The following RNF216 variants were observed in gnomAD, a reference collection of about 807,000 sequenced individuals.
RNF216 encodes the protein E3 ubiquitin-protein ligase RNF216.
A neutral mutation model predicts 110.8 loss-of-function variants in RNF216; 72 were observed. The observed-to-expected ratio is 0.65, with a 90% confidence interval of 0.54 to 0.79. The LOEUF is 0.79. Among genes scored for constraint, RNF216 ranks in the 30% least tolerant of loss-of-function variants. The pLI is 0.00. For missense variants in RNF216, 1,342 were observed against 1,141.2 expected, an observed-to-expected ratio of 1.18 and a Z score of -2.54; for synonymous variants, 495 against 407.5, an observed-to-expected ratio of 1.21 and a Z score of -2.59.
chr7:5,624,724 G>C lies in RNF216; in HGVS notation c.2383-599C>G, dbSNP rs2128555490. ...CCCAAACCCCATGCTTGGTAGGCCT[G>C]AAATAACAAACACAATTCACACTTG... On this transcript the variant is annotated intron_variant, in intron 15 of 16. Coordinates refer to ENST00000389902, the MANE Select transcript of RNF216 (RefSeq NM_207111.4). The surrounding 1 kb of genome is among the most constrained non-coding windows in gnomAD (Gnocchi z 4.4). 6.6e-6 allele frequency among the ~76,000 whole-genome samples: 1 copy of C among 152,344 alleles called. No individual in the cohort carries two copies. The highest frequency in any genetic ancestry group is 2.1e-4 in the South Asian group (1 of 4,826).
chr7:5,710,476 C>A, intron 13 of RNF216, among the ~76,000 whole-genome samples: 1 of 152,142 alleles, frequency 6.6e-6, no homozygotes, highest in Non-Finnish European at 1.5e-5. Flanking sequence ...TCTTTGAAAC[C>A]TTACCAGGAA....
chr7:5,627,327 G>A (rs568101686), intron 15 of RNF216, among the ~76,000 whole-genome samples: 2 of 152,332 alleles, frequency 1.3e-5, no homozygotes, highest in South Asian at 2.1e-4. Flanking sequence ...CGTGCTGGAC[G>A]CTGCAGACAC....
intron 15 of RNF216, among the ~76,000 whole-genome samples, chr7:5,638,836 T>C (rs1053369680): frequency 6.6e-6 from 1 of 152,108 alleles, no homozygotes; most frequent in African/African-American, 2.4e-5. Context: ...GGTCTCACTA[T>C]GTTGCCCAGG....
intron 16 of RNF216, 116 bp from the exon 17 acceptor site, chr7:5,623,295 G>T: frequency 1.1e-6 from 1 of 874,794 alleles, no homozygotes; most frequent in Non-Finnish European, 1.7e-6. Context: ...GCTGATCAAA[G>T]CACAAAACGT....
chr7:5,695,205 G>A (rs535108231), intron 13 of RNF216, among the ~76,000 whole-genome samples: 24 of 152,216 alleles, frequency 1.6e-4, no homozygotes, highest in African/African-American at 5.8e-4. Flanking sequence ...TCCTGGGTCC[G>A]GCTTATAAAT....
chr7:5,699,267 A>G (rs1349064547), intron 13 of RNF216, among the ~76,000 whole-genome samples: 1 of 152,204 alleles, frequency 6.6e-6, no homozygotes, highest in African/African-American at 2.4e-5. Flanking sequence ...TGTATCTGCA[A>G]AAGATAAAGA....
At chr7:5,770,625 C>A (rs570501061) in intron 1 of RNF216, among the ~76,000 whole-genome samples, 2 of 151,676 alleles carry the variant, frequency 1.3e-5, no homozygotes, top group Admixed American at 6.6e-5. Context: ...TAGATATATA[C>A]TAGATGACTT....
chr7:5,665,946 C>A (rs967063751), intron 13 of RNF216, among the ~76,000 whole-genome samples: 3 of 152,000 alleles, frequency 2.0e-5, no homozygotes, highest in African/African-American at 7.3e-5. Context: ...CAGGCGGATC[C>A]CGAGGTCAGG....
chr7:5,673,884 A>G (rs852409), intron 13 of RNF216, among the ~76,000 whole-genome samples: 25,134 of 140,060 alleles, frequency 0.18, 4,072 homozygotes, highest in African/African-American at 0.44. Flanking sequence ...TTTTTGAGAC[A>G]GAGTCTTGCT....
intron 1 of RNF216, among the ~76,000 whole-genome samples, chr7:5,769,205 C>T (rs1428891573): frequency 2.0e-5 from 3 of 151,362 alleles, no homozygotes; most frequent in Admixed American, 6.6e-5. Context: ...GCAGCCTCTG[C>T]CTCCTGTGTT....
intron 5 of RNF216, among the ~76,000 whole-genome samples, chr7:5,733,401 G>T (rs571328099): frequency 2.0e-5 from 3 of 152,256 alleles, no homozygotes; most frequent in South Asian, 4.1e-4. Flanking sequence ...GTAAGAGAAG[G>T]TATCAATTTG....
intron 13 of RNF216, among the ~76,000 whole-genome samples, chr7:5,664,999 C>T (rs1043478082): frequency 1.3e-5 from 2 of 152,026 alleles, no homozygotes; most frequent in East Asian, 1.9e-4. Flanking sequence ...GGTTTCACCA[C>T]GTTGGCCAGG....
intron 11 of RNF216, among the ~76,000 whole-genome samples, 188 bp downstream of exon 11, chr7:5,714,865 G>C (rs186299931): frequency 4.1e-4 from 62 of 152,274 alleles, no homozygotes; most frequent in African/African-American, 1.3e-3. Context: ...ATTCTACTGT[G>C]CCCTGAAAAG....
intron 9 of RNF216, among the ~76,000 whole-genome samples, chr7:5,719,677 A>G (rs1793292395): frequency 6.6e-6 from 1 of 152,236 alleles, no homozygotes; most frequent in African/African-American, 2.4e-5. Flanking sequence ...TAACAGATGG[A>G]TCAAAACAAT....
At chr7:5,715,960 C>G (rs564490628) in intron 10 of RNF216, among the ~76,000 whole-genome samples, 2 of 152,102 alleles carry the variant, frequency 1.3e-5, no homozygotes, top group Admixed American at 1.3e-4. Context: ...CCAGGCTGGT[C>G]TCAAACCCCT....
rs75044963 is a variant in RNF216, at chr7:5,763,622, G to A, written c.-69-2484C>T. ...GTCTCTCTCTGTCATCCTGGCTGGAGAGCAGCTACACGATCACGGCTCACT... is the reference window on the plus strand; with the variant it reads ...GTCTCTCTCTGTCATCCTGGCTGGAAAGCAGCTACACGATCACGGCTCACT... On this transcript the variant is annotated intron_variant, in intron 1 of 16. Transcript: ENST00000389902. 1.1e-3 allele frequency among the ~76,000 whole-genome samples: 163 copies of A among 152,186 alleles called. 4 individuals carry two copies. The East Asian group carries it at 0.029, about 27-fold the overall frequency.
At chr7:5,740,104 C>CTTTTTTTTTTTTTTTTTT (rs71004698) in intron 4 of RNF216, among the ~76,000 whole-genome samples, 7 of 118,488 alleles carry the variant, frequency 5.9e-5, no homozygotes, top group Non-Finnish European at 8.7e-5. Context: ...GATGTAACAC[C>CTTTTTTTTTTTTTTTTTT]TTTTTTTTTT....
chr7:5,779,468 A>G (rs750956493), intron 1 of RNF216, among the ~76,000 whole-genome samples: 4 of 152,088 alleles, frequency 2.6e-5, no homozygotes, highest in Non-Finnish European at 5.9e-5. Context: ...GCCATGTATT[A>G]GCCTTCTTCC....
chr7:5,674,982 G>A (rs1273800591), intron 13 of RNF216, among the ~76,000 whole-genome samples: 1 of 152,102 alleles, frequency 6.6e-6, no homozygotes, highest in Non-Finnish European at 1.5e-5. Context: ...GGGCGACAGA[G>A]AGAGACTCTG....
Sources: allele counts gnomAD v4.1 joint callset (sites outside exome capture counted in the v4.1 genomes callset), GRCh38; gene constraint gnomAD v4.1.1; non-coding constraint Gnocchi (gnomAD v3.1); transcripts MANE v1.5; gene names NCBI Gene and HGNC (gene_info 2026-07-23, HGNC 2026-07-21).